Variants in CDH12 observed in about 807,000 individuals in gnomAD.
The protein encoded by CDH12 is cadherin-12.
In CDH12, 41 loss-of-function variants were observed where a neutral mutation model predicts 74.1. The ratio of observed to expected loss-of-function variants is 0.55; its 90% CI spans 0.43 to 0.72. The LOEUF is 0.72. CDH12 is among the 30% of genes least tolerant of loss of function. The probability of loss-of-function intolerance (pLI) is 0.00; values close to 1 mark genes in which losing one functional copy is unlikely to be tolerated. For missense variants in CDH12, 945 were observed against 977.2 expected (o/e 0.97, Z 0.44); for synonymous variants, 399 against 355.0 (o/e 1.12, Z -1.39).
At chr5:21,953,168 G>C (rs956260320) in intron 6 of CDH12, among the ~76,000 whole-genome samples, 7 of 151,836 alleles carry the variant, frequency 4.6e-5, no homozygotes, top group African/African-American at 1.7e-4. Flanking sequence ...TACTTAATAA[G>C]ATCCTTGGTC....
At chr5:22,650,108 G>T (rs1005194198) in intron 1 of CDH12, among the ~76,000 whole-genome samples, 11 of 151,824 alleles carry the variant, frequency 7.2e-5, no homozygotes, top group African/African-American at 2.7e-4. Flanking sequence ...ACCAGAAAAA[G>T]GAAACAAATT....
rs1446651822 is a variant in CDH12, at chr5:22,799,667, C to T, written c.-523+53391G>A. 2.6e-5 allele frequency among the ~76,000 whole-genome samples: 4 copies of T among 152,176 alleles called. No individual in the cohort carries two copies. The East Asian group carries it at 7.7e-4, about 29-fold the overall frequency. ...CTATTTTATTGAAATCTCCAAAAGGCAATTATATGTATTTATCATAAAGTA... is the reference window on the plus strand; with the variant it reads ...CTATTTTATTGAAATCTCCAAAAGGTAATTATATGTATTTATCATAAAGTA... On this transcript the variant is annotated intron_variant, in intron 1 of 14. Transcript: ENST00000382254.
intron 1 of CDH12, among the ~76,000 whole-genome samples, chr5:22,804,009 C>A: frequency 6.6e-6 from 1 of 151,834 alleles, no homozygotes; most frequent in African/African-American, 2.4e-5. Flanking sequence ...CTGTTTAAAA[C>A]ATATTTAAAT....
chr5:22,264,139 G>C (rs1753623124), intron 3 of CDH12, among the ~76,000 whole-genome samples: 1 of 151,372 alleles, frequency 6.6e-6, no homozygotes. Context: ...CTTGGGATTG[G>C]TGCCTGGAAG....
At chr5:22,222,352 T>C (rs12189051) in intron 3 of CDH12, among the ~76,000 whole-genome samples, 68,443 of 151,734 alleles carry the variant, frequency 0.45, 16,641 homozygotes, top group Non-Finnish European at 0.55. Flanking sequence ...TTTATCTTTA[T>C]CTCATGGAAT....
intron 1 of CDH12, among the ~76,000 whole-genome samples, chr5:22,786,017 A>G (rs1201312404): frequency 6.6e-6 from 1 of 152,198 alleles, no homozygotes; most frequent in Non-Finnish European, 1.5e-5. Flanking sequence ...ATACACATGT[A>G]TGTTCATTGG....
intron 4 of CDH12, among the ~76,000 whole-genome samples, chr5:22,121,818 C>G (rs1451390025): frequency 2.0e-5 from 3 of 151,990 alleles, no homozygotes; most frequent in African/African-American, 7.2e-5. Flanking sequence ...ATTACCAAGC[C>G]CTCTGGAAAA....
intron 2 of CDH12, among the ~76,000 whole-genome samples, chr5:22,409,909 G>C (rs868762130): frequency 6.6e-6 from 1 of 152,044 alleles, no homozygotes; most frequent in Non-Finnish European, 1.5e-5. Flanking sequence ...TTTACAGCTC[G>C]AAGATAAATG....
chr5:22,461,493 A>AC (rs1745519811), intron 2 of CDH12, among the ~76,000 whole-genome samples: 1 of 151,478 alleles, frequency 6.6e-6, no homozygotes, highest in African/African-American at 2.4e-5. Flanking sequence ...AAAAAAAAAA[A>AC]ACCTGCATTC....
chr5:21,894,966 C>T lies in CDH12; in HGVS notation c.527-40176G>A, dbSNP rs1230046716. On this transcript the variant is annotated intron_variant, in intron 6 of 14. Coordinates refer to ENST00000382254, the MANE Select transcript of CDH12 (RefSeq NM_004061.5). ...AAATGTGAAGGGAAATTACTTTTAACTGCAAAAACCAAAATTACTTTTGCA... is the reference window on the plus strand; with the variant it reads ...AAATGTGAAGGGAAATTACTTTTAATTGCAAAAACCAAAATTACTTTTGCA... Among the ~76,000 whole-genome samples the T allele has an allele frequency of 2.0e-5, 3 of 151,164 alleles. No homozygotes were observed. In the East Asian group the frequency reaches 5.9e-4, roughly 30 times the overall value.
chr5:22,237,580 T>C (rs1752602051), intron 3 of CDH12, among the ~76,000 whole-genome samples: 1 of 151,938 alleles, frequency 6.6e-6, no homozygotes, highest in Non-Finnish European at 1.5e-5. Flanking sequence ...TAGACTGAAT[T>C]TGCCAGTGCC....
At chr5:22,070,267 T>G (rs1182584404) in intron 5 of CDH12, among the ~76,000 whole-genome samples, 1 of 152,114 alleles carries the variant, frequency 6.6e-6, no homozygotes, top group Admixed American at 6.6e-5. Context: ...GTATTTTCAT[T>G]GCATGCAAGA....
At chr5:22,543,409 G>T (rs941290135) in intron 1 of CDH12, among the ~76,000 whole-genome samples, 3 of 151,890 alleles carry the variant, frequency 2.0e-5, no homozygotes, top group Non-Finnish European at 2.9e-5. Context: ...CAGAAAACCT[G>T]GTGAACTCAG....
At chr5:22,515,581 G>A (rs1736775345) in intron 1 of CDH12, among the ~76,000 whole-genome samples, 1 of 152,012 alleles carries the variant, frequency 6.6e-6, no homozygotes, top group African/African-American at 2.4e-5. Flanking sequence ...ATGGAAGGGA[G>A]AGCCTTGAAA....
At chr5:22,044,291 T>C (rs921860057) in intron 5 of CDH12, among the ~76,000 whole-genome samples, 1 of 152,148 alleles carries the variant, frequency 6.6e-6, no homozygotes, top group Non-Finnish European at 1.5e-5. Flanking sequence ...GCTATAATGA[T>C]ACTACCTAAG....
At chr5:22,261,788 CAAAAA>C (rs34114097) in intron 3 of CDH12, among the ~76,000 whole-genome samples, 1 of 144,488 alleles carries the variant, frequency 6.9e-6, no homozygotes. Flanking sequence ...GAAAGAAAGC[CAAAAA>C]AAAAAAAAAA....
chr5:21,784,409 G>T (rs1746089275), intron 10 of CDH12, among the ~76,000 whole-genome samples: 1 of 151,990 alleles, frequency 6.6e-6, no homozygotes, highest in Non-Finnish European at 1.5e-5. Flanking sequence ...TTATTAATAT[G>T]TCTTACATAT....
intron 1 of CDH12, among the ~76,000 whole-genome samples, chr5:22,563,902 C>G (rs941972161): frequency 6.6e-6 from 1 of 152,114 alleles, no homozygotes; most frequent in Non-Finnish European, 1.5e-5. Flanking sequence ...TAGAGTACAG[C>G]ATGAGAAAGA....
At chr5:22,030,944 T>C (rs185139761) in intron 5 of CDH12, among the ~76,000 whole-genome samples, 8 of 152,332 alleles carry the variant, frequency 5.3e-5, no homozygotes, top group East Asian at 1.9e-4. Flanking sequence ...CAAACTCTCC[T>C]AGCTGCAGAC....
Sources: allele counts gnomAD v4.1 joint callset (sites outside exome capture counted in the v4.1 genomes callset), GRCh38; gene constraint gnomAD v4.1.1; transcripts MANE v1.5; gene names NCBI Gene and HGNC (gene_info 2026-07-23, HGNC 2026-07-21).